Variants in RBM20 observed in about 807,000 individuals in gnomAD.
RBM20 encodes RNA-binding protein 20.
A neutral mutation model predicts 110.1 loss-of-function variants in RBM20; 51 were observed. The ratio of observed to expected loss-of-function variants is 0.46; its 90% CI spans 0.37 to 0.59. RBM20 has a LOEUF of 0.59. Ranked by LOEUF, RBM20 falls within the 20% of genes least tolerant of loss-of-function variation. The probability of loss-of-function intolerance (pLI) is 0.00; values close to 1 mark genes in which losing one functional copy is unlikely to be tolerated. For synonymous variants in RBM20, 589 were observed against 618.2 expected, an observed-to-expected ratio of 0.95 and a Z score of 0.70; for missense variants, 1,512 against 1,574.9, an observed-to-expected ratio of 0.96 and a Z score of 0.68.
chr10:110,742,150 C>A (rs1191687450), intron 1 of RBM20, among the ~76,000 whole-genome samples: 2 of 152,158 alleles, frequency 1.3e-5, no homozygotes, highest in Non-Finnish European at 2.9e-5. Flanking sequence ...GCCTCAAAGT[C>A]CCTTCCTGAC....
rs534086272 is a variant in RBM20, at chr10:110,813,619, G to A, written c.2550+672G>A. On this transcript the variant is annotated intron_variant, in intron 9 of 13. Coordinates refer to ENST00000369519, the MANE Select transcript of RBM20 (RefSeq NM_001134363.3). ...GGAGGCCGAGGCAGGCAGATCACCTGAGGTCAGGAGTTCGAGACCAGCCTG... is the reference window on the plus strand; with the variant it reads ...GGAGGCCGAGGCAGGCAGATCACCTAAGGTCAGGAGTTCGAGACCAGCCTG... 2.0e-4 allele frequency among the ~76,000 whole-genome samples: 30 copies of A among 152,234 alleles called. No individual in the cohort carries two copies. The South Asian group carries it at 6.2e-3, about 32-fold the overall frequency.
intron 1 of RBM20, among the ~76,000 whole-genome samples, chr10:110,645,141 G>A (rs144402867): frequency 1.1e-4 from 17 of 152,280 alleles, no homozygotes; most frequent in African/African-American, 4.1e-4. Context: ...TGAAAGTGTA[G>A]ACACTTTTCA....
At chr10:110,831,690 A>AAAAAAAC (rs1165869674) in intron 13 of RBM20, among the ~76,000 whole-genome samples, 1 of 151,786 alleles carries the variant, frequency 6.6e-6, no homozygotes. Context: ...AAAAAAAAAA[A>AAAAAAAC]ACACTGCTTT....
rs55778239 is a variant in RBM20, at chr10:110,698,438, C to A, written c.191+53793C>A. On this transcript the variant is annotated intron_variant, in intron 1 of 13. Transcript: ENST00000369519. ...GTTGCCCTCGCTGGCAGGAGCCTGGCAGGAACCCTGCCTGTCCTTGAGGGC... is the reference window on the plus strand; with the variant it reads ...GTTGCCCTCGCTGGCAGGAGCCTGGAAGGAACCCTGCCTGTCCTTGAGGGC... Among the ~76,000 whole-genome samples, 429 of 152,316 alleles carry A rather than the reference C, an allele frequency of 2.8e-3. 2 individuals are homozygous for A. The highest frequency in any genetic ancestry group is 9.7e-3 in the African/African-American group (403 of 41,578).
intron 12 of RBM20, among the ~76,000 whole-genome samples, chr10:110,827,307 G>A (rs967597817): frequency 6.6e-6 from 1 of 152,094 alleles, no homozygotes; most frequent in African/African-American, 2.4e-5. Flanking sequence ...CTTGAACCTG[G>A]GAGGAGATCC....
chr10:110,652,689 G>A (rs932316459), intron 1 of RBM20, among the ~76,000 whole-genome samples: 2 of 152,186 alleles, frequency 1.3e-5, no homozygotes, highest in Admixed American at 1.3e-4. Context: ...GTGAATTGTT[G>A]AAGGTCACAC....
rs1355193222 is a variant in RBM20, at chr10:110,799,773, C to G, written c.1669-14C>G. The G allele has an allele frequency of 6.5e-7, 1 of 1,548,358 alleles. No homozygotes were observed. The highest frequency in any genetic ancestry group is 8.7e-7 in the Non-Finnish European group (1 of 1,145,452). On this transcript the variant is annotated splice_polypyrimidine_tract_variant and intron_variant, in intron 6 of 13. Coordinates refer to ENST00000369519, the MANE Select transcript of RBM20 (RefSeq NM_001134363.3). Reference sequence around the variant, plus strand: ...AAAGTCAAGTCCAGTGAGTGTCCTTCCTTTCTTTCTTAGGCCTTTTTAGAG... The same window carrying G: ...AAAGTCAAGTCCAGTGAGTGTCCTTGCTTTCTTTCTTAGGCCTTTTTAGAG...
chr10:110,654,638 G>C (rs371576401), intron 1 of RBM20, among the ~76,000 whole-genome samples: 1 of 152,048 alleles, frequency 6.6e-6, no homozygotes, highest in African/African-American at 2.4e-5. Flanking sequence ...GTGACTAGCA[G>C]TTTGTTCATG....
chr10:110,657,699 A>G (rs944446855), intron 1 of RBM20, among the ~76,000 whole-genome samples: 1 of 152,166 alleles, frequency 6.6e-6, no homozygotes, highest in Admixed American at 6.5e-5. Context: ...TTTTGTGGAT[A>G]TAGTGCAAAC....
At chr10:110,673,736 A>T (rs1331948106) in intron 1 of RBM20, among the ~76,000 whole-genome samples, 1 of 152,144 alleles carries the variant, frequency 6.6e-6, no homozygotes, top group Non-Finnish European at 1.5e-5. Context: ...AACTCCCCAC[A>T]TTCTGAGGAC....
chr10:110,834,744 C>A (rs974967168), intron 13 of RBM20, among the ~76,000 whole-genome samples: 1 of 152,244 alleles, frequency 6.6e-6, no homozygotes, highest in African/African-American at 2.4e-5. Flanking sequence ...ACACACTTAA[C>A]CACCGTACTG....
intron 1 of RBM20, among the ~76,000 whole-genome samples, chr10:110,727,725 C>G (rs1467767262): frequency 6.6e-6 from 1 of 152,176 alleles, no homozygotes; most frequent in Non-Finnish European, 1.5e-5. Context: ...TGGTGGTTTG[C>G]TGCACTCATT....
At chr10:110,666,103 G>A (rs950744831) in intron 1 of RBM20, among the ~76,000 whole-genome samples, 10 of 152,108 alleles carry the variant, frequency 6.6e-5, no homozygotes, top group Admixed American at 6.5e-4. Context: ...ATATGTCTGG[G>A]ATTAGCTTCA....
chr10:110,701,007 T>C (rs1862749836), intron 1 of RBM20, among the ~76,000 whole-genome samples: 1 of 151,934 alleles, frequency 6.6e-6, no homozygotes, highest in Non-Finnish European at 1.5e-5. Context: ...TGAGAAAGAC[T>C]CCGTCTCAAA....
intron 1 of RBM20, among the ~76,000 whole-genome samples, chr10:110,663,343 A>G (rs1213172789): frequency 6.6e-6 from 1 of 152,220 alleles, no homozygotes; most frequent in African/African-American, 2.4e-5. Flanking sequence ...CTATGTATCA[A>G]TGACAGGGAA....
At chr10:110,741,792 C>T (rs796167874) in intron 1 of RBM20, among the ~76,000 whole-genome samples, 81 of 151,986 alleles carry the variant, frequency 5.3e-4, no homozygotes, top group African/African-American at 1.8e-3. Context: ...TCTAGGAACC[C>T]CTCCAGGACC....
chr10:110,826,973 A>G (rs757984391), intron 12 of RBM20, among the ~76,000 whole-genome samples: 35 of 152,028 alleles, frequency 2.3e-4, no homozygotes, highest in Non-Finnish European at 1.5e-4. Flanking sequence ...TCATCTGTTG[A>G]CAAATATTTG....
intron 1 of RBM20, among the ~76,000 whole-genome samples, chr10:110,694,048 G>A (rs1457197606): frequency 6.6e-6 from 1 of 152,196 alleles, no homozygotes; most frequent in African/African-American, 2.4e-5. Flanking sequence ...CATCAGTGGG[G>A]CACAAGAGCT....
At chr10:110,727,406 T>TAAAAAAAAAAAAAAAAAAA (rs61577173) in intron 1 of RBM20, among the ~76,000 whole-genome samples, 1 of 78,244 alleles carries the variant, frequency 1.3e-5, no homozygotes, top group African/African-American at 4.5e-5. Flanking sequence ...TCTCAAAAAA[T>TAAAAAAAAAAAAAAAAAAA]AAAAATAAAA....
Sources: gnomAD v4.1 joint callset for allele counts (sites outside exome capture counted in the v4.1 genomes callset) on GRCh38, gnomAD v4.1.1 for gene constraint, MANE v1.5 for transcripts, NCBI Gene and HGNC (gene_info 2026-07-23, HGNC 2026-07-21) for gene names.